NELL1: variants seen among roughly 807,000 people sequenced by gnomAD.
NELL1 encodes protein kinase C-binding protein NELL1.
Under a neutral mutation model 107.4 loss-of-function variants are expected in NELL1, and 76 were observed. That is an observed-to-expected ratio of 0.71 (90% CI 0.59 to 0.86). NELL1 has a LOEUF of 0.86. NELL1 is among the 40% of genes least tolerant of loss of function. The probability of loss-of-function intolerance (pLI) is 0.00; values close to 1 mark genes in which losing one functional copy is unlikely to be tolerated. For missense variants in NELL1, 1,024 were observed against 1,005.5 expected (o/e 1.02, Z -0.25); for synonymous variants, 353 against 341.2 (o/e 1.03, Z -0.38).
At chr11:20,975,155 C>T (rs1246175869) in intron 12 of NELL1, among the ~76,000 whole-genome samples, 2 of 151,618 alleles carry the variant, frequency 1.3e-5, no homozygotes, top group East Asian at 1.9e-4. Flanking sequence ...ACTATAGGTG[C>T]CCGCCACCAT....
At chr11:21,160,394 C>G (rs1856336915) in intron 13 of NELL1, among the ~76,000 whole-genome samples, 1 of 152,112 alleles carries the variant, frequency 6.6e-6, no homozygotes, top group South Asian at 2.1e-4. Context: ...ACATGGTGTT[C>G]TCTAGGTTAA....
chr11:20,813,303 A>G (rs1857544590), intron 3 of NELL1, among the ~76,000 whole-genome samples: 1 of 152,212 alleles, frequency 6.6e-6, no homozygotes, highest in South Asian at 2.1e-4. Context: ...TTAGTCTCTG[A>G]AATCATGGAA....
intron 12 of NELL1, among the ~76,000 whole-genome samples, chr11:21,047,695 T>A (rs1338924439): frequency 6.6e-6 from 1 of 152,212 alleles, no homozygotes; most frequent in African/African-American, 2.4e-5. Flanking sequence ...ACCAAGTTTA[T>A]GCTAACATAT....
chr11:21,568,069 A>G (rs1269426928), intron 17 of NELL1, among the ~76,000 whole-genome samples: 1 of 151,818 alleles, frequency 6.6e-6, no homozygotes, highest in Non-Finnish European at 1.5e-5. Flanking sequence ...CTTTTTCATC[A>G]CTGTATCAAC....
At chr11:21,257,058 G>A (rs1208352393) in intron 14 of NELL1, among the ~76,000 whole-genome samples, 1 of 152,038 alleles carries the variant, frequency 6.6e-6, no homozygotes, top group Non-Finnish European at 1.5e-5. Flanking sequence ...AGTTCCTAGA[G>A]CTTCCCCTCA....
chr11:21,382,478 A>G (rs1014005135), intron 15 of NELL1, among the ~76,000 whole-genome samples: 1 of 151,950 alleles, frequency 6.6e-6, no homozygotes, highest in Non-Finnish European at 1.5e-5. Context: ...AGGACCCTCA[A>G]TTTCACATGG....
chr11:21,513,214 A>G (rs553658620), intron 15 of NELL1, among the ~76,000 whole-genome samples: 11 of 152,348 alleles, frequency 7.2e-5, no homozygotes, highest in African/African-American at 2.6e-4. Flanking sequence ...TACTCAGTGA[A>G]TTGTAGTCAA....
chr11:21,390,367 GATAATA>G (rs35024726), intron 15 of NELL1, among the ~76,000 whole-genome samples: 5 of 147,674 alleles, frequency 3.4e-5, no homozygotes, highest in African/African-American at 1.2e-4. Flanking sequence ...TAATAACAAT[GATAATA>G]ATAATAATAA....
chr11:21,392,445 TC>T (rs2133785085), intron 15 of NELL1, among the ~76,000 whole-genome samples: 1 of 151,936 alleles, frequency 6.6e-6, no homozygotes, highest in African/African-American at 2.4e-5. Context: ...TTTTCTAGAT[TC>T]CAAAATTATG....
chr11:21,229,898 T>C lies in NELL1; in HGVS notation c.1549+444T>C, dbSNP rs1857998187. Among the ~76,000 whole-genome samples the C allele has an allele frequency of 2.6e-5, 4 of 152,316 alleles. No individual in the cohort carries two copies. In the South Asian group the frequency reaches 8.3e-4, roughly 32 times the overall value. On this transcript the variant is annotated intron_variant, in intron 14 of 19. Transcript: ENST00000357134. Reference sequence around the variant, plus strand: ...TTTATCAATTCAGAGGCCAGCGCCCTGGCTTCCCTTAGCATTTAGAATAAA... The same window carrying C: ...TTTATCAATTCAGAGGCCAGCGCCCCGGCTTCCCTTAGCATTTAGAATAAA...
intron 12 of NELL1, among the ~76,000 whole-genome samples, chr11:21,067,571 G>A (rs1056011837): frequency 3.9e-5 from 6 of 152,164 alleles, no homozygotes; most frequent in African/African-American, 1.4e-4. Flanking sequence ...CAGAGAGGAA[G>A]TTCTCTTTCC....
chr11:21,528,057 C>G (rs1432417722), intron 15 of NELL1, among the ~76,000 whole-genome samples: 1 of 152,142 alleles, frequency 6.6e-6, no homozygotes, highest in African/African-American at 2.4e-5. Context: ...AACCATCACA[C>G]TAATAGAGGC....
chr11:20,851,118 G>A lies in NELL1; in HGVS notation c.506+3365G>A, dbSNP rs560502428. ...GGAGAGATACTACAGAAGGTTCAGG[G>A]ACCATGAGAACTCTAAAATCGAGAA... On this transcript the variant is annotated intron_variant, in intron 4 of 19. Coordinates refer to ENST00000357134, the MANE Select transcript of NELL1 (RefSeq NM_006157.5). Among the ~76,000 whole-genome samples the A allele has an allele frequency of 2.0e-5, 3 of 152,260 alleles. No homozygotes were observed. The South Asian group carries it at 6.2e-4, about 32-fold the overall frequency.
intron 1 of NELL1, among the ~76,000 whole-genome samples, chr11:20,672,887 T>C (rs569973287): frequency 6.7e-6 from 1 of 149,868 alleles, no homozygotes; most frequent in East Asian, 2.0e-4. Context: ...GTTTTGCTCT[T>C]GTTGCCCAGG....
intron 15 of NELL1, among the ~76,000 whole-genome samples, chr11:21,384,431 CT>C (rs60693487): frequency 8.1e-5 from 12 of 148,606 alleles, no homozygotes; most frequent in Admixed American, 1.3e-4. Flanking sequence ...TCTTGATTTT[CT>C]TTTTTTTTTA....
chr11:21,462,994 C>T (rs1043444954), intron 15 of NELL1, among the ~76,000 whole-genome samples: 1 of 152,016 alleles, frequency 6.6e-6, no homozygotes, highest in African/African-American at 2.4e-5. Flanking sequence ...GCCAGGAAAG[C>T]ATCGTAGTTT....
In NELL1 at chr11:20,970,381, G is replaced by A. The variant is rs1794835274; in HGVS notation, c.1300+9821G>A. 2.1e-5 allele frequency among the ~76,000 whole-genome samples: 3 copies of A among 141,800 alleles called. No homozygotes were observed. In the South Asian group the frequency reaches 6.5e-4, roughly 31 times the overall value. The allele number at this position is 141,800 out of a possible 152,430, so 93.0% of individuals were successfully genotyped here. A position where few individuals can be genotyped will look rare whatever the true frequency, so the allele number is the denominator to read the frequency against. On this transcript the variant is annotated intron_variant, in intron 12 of 19. Coordinates refer to ENST00000357134, the MANE Select transcript of NELL1 (RefSeq NM_006157.5). Reference sequence around the variant, plus strand: ...TGACCATCTATTGTGGCTGGGTCTTGTGTTGGCTAAAGATGATTAAGCCAT... The same window carrying A: ...TGACCATCTATTGTGGCTGGGTCTTATGTTGGCTAAAGATGATTAAGCCAT...
chr11:21,403,826 G>A (rs1852157206), intron 15 of NELL1, among the ~76,000 whole-genome samples: 1 of 150,894 alleles, frequency 6.6e-6, no homozygotes, highest in South Asian at 2.1e-4. Flanking sequence ...TTACAAAGCT[G>A]GGATCCCCAT....
At chr11:20,914,733 T>G (rs191073725) in intron 5 of NELL1, among the ~76,000 whole-genome samples, 3 of 152,038 alleles carry the variant, frequency 2.0e-5, no homozygotes, top group Admixed American at 1.3e-4. Context: ...TTAGTAGCCC[T>G]GTAGTATATA....
Sources: gnomAD v4.1 joint callset for allele counts (sites outside exome capture counted in the v4.1 genomes callset) on GRCh38, gnomAD v4.1.1 for gene constraint, MANE v1.5 for transcripts, NCBI Gene and HGNC (gene_info 2026-07-23, HGNC 2026-07-21) for gene names.